CACNA2D2: variants seen among roughly 807,000 people sequenced by gnomAD.
CACNA2D2 encodes the protein voltage-dependent calcium channel subunit alpha-2/delta-2.
Under a neutral mutation model 166.4 loss-of-function variants are expected in CACNA2D2, and 48 were observed. The observed-to-expected ratio is 0.29, with a 90% CI of 0.23 to 0.37. CACNA2D2 has a LOEUF of 0.37. CACNA2D2 is among the 10% of genes least tolerant of loss of function. The probability of loss-of-function intolerance (pLI) is 1.00; values close to 1 mark genes in which losing one functional copy is unlikely to be tolerated. For missense variants in CACNA2D2, 1,122 were observed against 1,433.0 expected, an observed-to-expected ratio of 0.78 and a Z score of 3.50; for synonymous variants, 561 against 573.7, an observed-to-expected ratio of 0.98 and a Z score of 0.32.
At chr3:50,473,094 A>C (rs953152805) in intron 2 of CACNA2D2, among the ~76,000 whole-genome samples, 9 of 152,178 alleles carry the variant, frequency 5.9e-5, no homozygotes, top group Admixed American at 2.0e-4. Flanking sequence ...ACAATACGTA[A>C]GCACCAGGCC....
At position 50,503,294 on chromosome 3, in the gene CACNA2D2, G is replaced by GCGGGCGCGGGGGCCCGGACGT; in HGVS notation, c.109_129dup (p.Thr37_Pro43dup). The GCGGGCGCGGGGGCCCGGACGT allele has an allele frequency of 9.4e-7, 1 of 1,058,404 alleles. No homozygotes were observed. Among genetic ancestry groups the GCGGGCGCGGGGGCCCGGACGT allele is most frequent in the Non-Finnish European group, 1.2e-6 (1 of 842,388 alleles). The allele number at this position is 1,058,404 out of a possible 1,614,324, so 65.6% of individuals were successfully genotyped here. On this transcript the variant is annotated inframe_insertion, in exon 1 of 38. Transcript: ENST00000424201. The stretch of plus-strand genomic sequence containing the variant: ...GGTAGAAGCGGCAGCAGCAGCCACA[G>GCGGGCGCGGGGGCCCGGACGT]CGGGCGCGGGGGCCCGGACGTCGGG...
intron 22 of CACNA2D2, among the ~76,000 whole-genome samples, chr3:50,372,742 C>T (rs587606442): frequency 1.9e-4 from 29 of 152,260 alleles, no homozygotes; most frequent in Admixed American, 1.7e-3. Context: ...ACTGTCCCTA[C>T]TGTTGAGTTG....
chr3:50,482,312 G>C (rs531360503), intron 1 of CACNA2D2, among the ~76,000 whole-genome samples: 2 of 152,292 alleles, frequency 1.3e-5, no homozygotes, highest in East Asian at 3.9e-4. Flanking sequence ...ACCTTCCCTG[G>C]GGAGTCCTCT....
intron 1 of CACNA2D2, among the ~76,000 whole-genome samples, chr3:50,478,069 A>G (rs1250771178): frequency 1.3e-5 from 2 of 151,982 alleles, no homozygotes; most frequent in Non-Finnish European, 2.9e-5. Flanking sequence ...AAAAATCAAC[A>G]TCAAAAGAAA....
At chr3:50,470,609 G>GC (rs1444812821) in intron 2 of CACNA2D2, among the ~76,000 whole-genome samples, 18 of 135,324 alleles carry the variant, frequency 1.3e-4, no homozygotes, top group Non-Finnish European at 2.8e-4. Context: ...CGGGGGGGGG[G>GC]GGTGGTGGTC....
intron 3 of CACNA2D2, among the ~76,000 whole-genome samples, chr3:50,430,386 C>T (rs576207215): frequency 5.3e-4 from 81 of 152,364 alleles, no homozygotes; most frequent in African/African-American, 1.9e-3. Flanking sequence ...GCTGCAGGGG[C>T]ACAACCTTCA....
chr3:50,470,350 C>T (rs1710014184), intron 2 of CACNA2D2, among the ~76,000 whole-genome samples: 1 of 152,132 alleles, frequency 6.6e-6, no homozygotes, highest in African/African-American at 2.4e-5. Flanking sequence ...GGGGAGGCTC[C>T]AGGTGGCTGG....
intron 5 of CACNA2D2, among the ~76,000 whole-genome samples, 184 bp from the exon 6 acceptor site, chr3:50,384,521 C>T (rs941723970): frequency 6.6e-6 from 1 of 152,332 alleles, no homozygotes; most frequent in Middle Eastern, 3.4e-3. Context: ...GGGTTGGACC[C>T]CTCACCCAAG....
chr3:50,395,634 G>T (rs1398434850), intron 3 of CACNA2D2, among the ~76,000 whole-genome samples: 1 of 152,242 alleles, frequency 6.6e-6, no homozygotes, highest in Admixed American at 6.5e-5. Flanking sequence ...AAGCCTGTCA[G>T]CTGCCCATTA....
intron 2 of CACNA2D2, among the ~76,000 whole-genome samples, chr3:50,474,956 G>A (rs1453732499): frequency 6.6e-6 from 1 of 152,178 alleles, no homozygotes; most frequent in East Asian, 1.9e-4. Context: ...GGAAAGGGGT[G>A]TTTAGTGTCG....
intron 2 of CACNA2D2, among the ~76,000 whole-genome samples, chr3:50,439,284 G>A (rs529666085): frequency 1.3e-5 from 2 of 152,348 alleles, no homozygotes; most frequent in South Asian, 4.1e-4. Flanking sequence ...AAGACTGGCA[G>A]GGCCAGCCCA....
chr3:50,497,933 G>GAA (rs1410775430), intron 1 of CACNA2D2, among the ~76,000 whole-genome samples: 1 of 151,182 alleles, frequency 6.6e-6, no homozygotes, highest in Non-Finnish European at 1.5e-5. Flanking sequence ...AAGAAGAAAA[G>GAA]AAAAAAAAAC....
chr3:50,394,000 A>G (rs1706016735), intron 4 of CACNA2D2, 109 bp downstream of exon 4: 1 of 941,138 alleles, frequency 1.1e-6, no homozygotes, highest in Non-Finnish European at 1.7e-6. Context: ...TCTACTCCAC[A>G]GACCCCTCTG....
At chr3:50,490,860 A>G (rs914282450) in intron 1 of CACNA2D2, among the ~76,000 whole-genome samples, 3 of 152,204 alleles carry the variant, frequency 2.0e-5, no homozygotes, top group Admixed American at 2.0e-4. Flanking sequence ...AGGGGCTTGA[A>G]GCAGGCTAGG....
chr3:50,491,121 C>T (rs1433652434), intron 1 of CACNA2D2, among the ~76,000 whole-genome samples: 1 of 152,202 alleles, frequency 6.6e-6, no homozygotes, highest in African/African-American at 2.4e-5. Flanking sequence ...GCAGAGATCC[C>T]ACTCTGTGCC....
At chr3:50,382,413 C>G (rs1705367347) in intron 6 of CACNA2D2, among the ~76,000 whole-genome samples, 1 of 152,202 alleles carries the variant, frequency 6.6e-6, no homozygotes, top group South Asian at 2.1e-4. Context: ...CTGCTCCGGC[C>G]CTGGGGCACT....
At position 50,365,052 on chromosome 3, in the gene CACNA2D2, C is replaced by T; in HGVS notation, c.3208+23G>A. On this transcript the variant is annotated intron_variant, in intron 36 of 37. Transcript: ENST00000424201. This position sits in a 1 kb window ranked among gnomAD's most constrained non-coding sequence, Gnocchi z 4.5. ...CGCGGGGCAGAGGGGGAGCGGGCGG[C>T]GGGGAGGGCGGGGGCAGGATACAGT... is the stretch of plus-strand genomic sequence containing the variant. The T allele has an allele frequency of 1.0e-6, 1 of 1,001,770 alleles. No individual in the cohort carries two copies. Among genetic ancestry groups the T allele is most frequent in the Non-Finnish European group, 1.4e-6 (1 of 713,834 alleles). 62.1% of individuals were successfully genotyped at this position (1,001,770 alleles called of 1,614,324 possible).
At chr3:50,499,278 C>T (rs1019048359) in intron 1 of CACNA2D2, among the ~76,000 whole-genome samples, 1 of 152,180 alleles carries the variant, frequency 6.6e-6, no homozygotes, top group Non-Finnish European at 1.5e-5. Context: ...GCAGCATGAG[C>T]AAAGTAGAGA....
At chr3:50,448,171 T>C (rs1371376461) in intron 2 of CACNA2D2, among the ~76,000 whole-genome samples, 3 of 152,156 alleles carry the variant, frequency 2.0e-5, no homozygotes, top group African/African-American at 7.2e-5. Context: ...AGGCATTCCC[T>C]GGACAGGCCC....
Sources: allele counts gnomAD v4.1 joint callset (sites outside exome capture counted in the v4.1 genomes callset), GRCh38; gene constraint gnomAD v4.1.1; non-coding constraint Gnocchi (gnomAD v3.1); transcripts MANE v1.5; gene names NCBI Gene and HGNC (gene_info 2026-07-23, HGNC 2026-07-21).